Variants in ACSF3 observed in about 807,000 individuals in gnomAD.
ACSF3 encodes the protein malonate--CoA ligase ACSF3, mitochondrial.
Under a neutral mutation model 53.2 loss-of-function variants are expected in ACSF3, and 78 were observed. The observed-to-expected ratio is 1.47, with a 90% CI of 1.22 to 1.77. The LOEUF (loss-of-function observed/expected upper bound fraction) is 1.77, where lower values mean the gene tolerates loss of function less well. Ranked by LOEUF, ACSF3 falls within the 40% of genes most tolerant of loss-of-function variation. The probability of loss-of-function intolerance (pLI) is 0.00; values close to 1 mark genes in which losing one functional copy is unlikely to be tolerated. For missense variants in ACSF3, 937 were observed against 771.1 expected (o/e 1.22, Z -2.55); for synonymous variants, 414 against 333.1 (o/e 1.24, Z -2.65).
chr16:89,104,309 G>A (rs1418089261), intron 4 of ACSF3, among the ~76,000 whole-genome samples: 1 of 152,258 alleles, frequency 6.6e-6, no homozygotes, highest in East Asian at 1.9e-4. Context: ...GCACAGAGGA[G>A]CCCATCTCTG....
At chr16:89,097,121 G>A (rs993581220) in intron 1 of ACSF3, among the ~76,000 whole-genome samples, 13 of 152,242 alleles carry the variant, frequency 8.5e-5, no homozygotes, top group African/African-American at 3.1e-4. Flanking sequence ...TGCCAAAAGG[G>A]GGGCTGTGCT....
At chr16:89,095,940 A>G (rs72817429) in intron 1 of ACSF3, among the ~76,000 whole-genome samples, 6,644 of 151,858 alleles carry the variant, frequency 0.044, 251 homozygotes, top group East Asian at 0.18. Flanking sequence ...ATTAACCAGC[A>G]CTCCAGTTAG....
At chr16:89,121,128 G>C (rs1906551057) in intron 7 of ACSF3, among the ~76,000 whole-genome samples, 1 of 152,270 alleles carries the variant, frequency 6.6e-6, no homozygotes, top group Non-Finnish European at 1.5e-5. Flanking sequence ...TCACAGAGCA[G>C]TGGGCAGAGG....
At position 89,100,813 on chromosome 16, in the gene ACSF3, C is replaced by T. The variant is rs1444580425; in HGVS notation, c.132C>T (p.Ala44=). Residue 44 remains alanine (A), a synonymous_variant, in exon 3 of 11, where the codon GCC becomes GCT. Coordinates refer to ENST00000614302, the MANE Select transcript of ACSF3 (RefSeq NM_001243279.3). ...CAGTGGCCCGCTCGGACAGGAGCGCCCCGGTGTTCACCCGTGCCCTGGCCT... is the reference window on the plus strand; with the variant it reads ...CAGTGGCCCGCTCGGACAGGAGCGCTCCGGTGTTCACCCGTGCCCTGGCCT... The part of the protein sequence containing the change: ...TAPVARSDRS[A]PVFTRALAFG... 1.9e-6 allele frequency: 3 copies of T among 1,613,064 alleles called. No homozygotes were observed. Among genetic ancestry groups the T allele is most frequent in the Non-Finnish European group, 2.5e-6 (3 of 1,180,026 alleles).
chr16:89,094,335 C>T (rs1051087665), intron 1 of ACSF3, among the ~76,000 whole-genome samples: 1 of 152,224 alleles, frequency 6.6e-6, no homozygotes, highest in Admixed American at 6.5e-5. Flanking sequence ...ACTTCCATTT[C>T]TCATTGGGCT....
intron 8 of ACSF3, among the ~76,000 whole-genome samples, chr16:89,144,750 C>G (rs1029765353): frequency 6.6e-6 from 1 of 152,180 alleles, no homozygotes; most frequent in Non-Finnish European, 1.5e-5. Flanking sequence ...AGCCAGGAGG[C>G]CCAGCACACC....
chr16:89,105,732 C>T (rs1235196977), intron 4 of ACSF3, among the ~76,000 whole-genome samples: 17 of 152,232 alleles, frequency 1.1e-4, no homozygotes, highest in African/African-American at 2.7e-4. Context: ...GAGGCAGCAA[C>T]GGCCATTGTC....
At chr16:89,108,999 G>A (rs368524402) in intron 4 of ACSF3, among the ~76,000 whole-genome samples, 19 of 152,170 alleles carry the variant, frequency 1.2e-4, no homozygotes, top group South Asian at 4.1e-4. Context: ...TTGGGAGGCC[G>A]AGGCAGGTGG....
chr16:89,112,796 G>A (rs760189650), intron 5 of ACSF3, among the ~76,000 whole-genome samples: 4 of 152,192 alleles, frequency 2.6e-5, no homozygotes, highest in Admixed American at 6.5e-5. Flanking sequence ...GAGCTGACCC[G>A]CTTGCTCCTG....
intron 10 of ACSF3, chr16:89,148,710 A>T (rs902183148): frequency 6.6e-6 from 1 of 152,110 alleles, no homozygotes; most frequent in African/African-American, 2.4e-5. Flanking sequence ...TCTCCTCTTC[A>T]CTGCCCTGGA....
chr16:89,129,893 A>T (rs1314326879), intron 7 of ACSF3, among the ~76,000 whole-genome samples: 1 of 152,210 alleles, frequency 6.6e-6, no homozygotes, highest in South Asian at 2.1e-4. Context: ...CTGCCTCCAC[A>T]TCGGTTACTT....
In ACSF3 at chr16:89,112,168, T is replaced by C; in HGVS notation, c.899T>C (p.Leu300Pro). Reference sequence around the variant, plus strand: ...GCAGTGCCTACAATATACACCAAGCTGATGGAGTACTACGACAGGCATTTT... The same window carrying C: ...GCAGTGCCTACAATATACACCAAGCCGATGGAGTACTACGACAGGCATTTT... ...FMAVPTIYTK[L>P]MEYYDRHFTQ... Residue 300 changes from leucine to proline, a missense_variant, in exon 5 of 11, where the codon CTG (leucine) becomes CCG (proline). Coordinates refer to ENST00000614302, the MANE Select transcript of ACSF3 (RefSeq NM_001243279.3). The C allele has an allele frequency of 1.2e-6, 2 of 1,614,264 alleles. No homozygotes were observed. The highest frequency in any genetic ancestry group is 1.7e-6 in the Non-Finnish European group (2 of 1,180,058).
intron 8 of ACSF3, among the ~76,000 whole-genome samples, chr16:89,143,120 C>G (rs150470865): frequency 3.6e-3 from 555 of 152,246 alleles, no homozygotes; most frequent in Middle Eastern, 6.8e-3. Context: ...AGAAATAACA[C>G]ACAGGGGTTC....
chr16:89,141,922 G>A (rs966483831), intron 8 of ACSF3, among the ~76,000 whole-genome samples: 1 of 152,206 alleles, frequency 6.6e-6, no homozygotes, highest in Non-Finnish European at 1.5e-5. Flanking sequence ...CGAGACAGGC[G>A]TCCATCACAG....
intron 7 of ACSF3, among the ~76,000 whole-genome samples, chr16:89,125,138 G>C (rs1907729316): frequency 1.3e-5 from 2 of 152,108 alleles, no homozygotes; most frequent in African/African-American, 4.8e-5. Context: ...GAGGTCAGGA[G>C]TTCAAGACCA....
intron 6 of ACSF3, among the ~76,000 whole-genome samples, chr16:89,120,021 C>T (rs1906234914): frequency 6.6e-6 from 1 of 152,236 alleles, no homozygotes; most frequent in South Asian, 2.1e-4. Flanking sequence ...AGGTCATGCC[C>T]GTGCTGACGC....
At chr16:89,145,424 G>C (rs759461790) in intron 9 of ACSF3, 23 bp downstream of exon 9, 23 of 1,613,492 alleles carry the variant, frequency 1.4e-5, no homozygotes, top group Non-Finnish European at 1.8e-5. Context: ...ACTTGGGCCA[G>C]GGAGGCCAGG....
chr16:89,101,145 T>C lies in ACSF3; in HGVS notation c.464T>C (p.Leu155Pro). The C allele has an allele frequency of 6.2e-7, 1 of 1,613,738 alleles. No homozygotes were observed. Among genetic ancestry groups the C allele is most frequent in the Non-Finnish European group, 8.5e-7 (1 of 1,179,948 alleles). Residue 155 changes from leucine to proline, a missense_variant, in exon 3 of 11, where the codon CTC (leucine) becomes CCC (proline). Coordinates refer to ENST00000614302, the MANE Select transcript of ACSF3 (RefSeq NM_001243279.3). ...VVLASQEYLE[L>P]LSPVVRKLGV... ...CTTGCCAGCCAGGAGTACCTGGAGC[T>C]CCTGAGCCCGGTGGTCAGGAAGCTG...
At position 89,100,867 on chromosome 16, in the gene ACSF3, G is replaced by T. The variant is rs1413084144; in HGVS notation, c.186G>T (p.Gln62His). ...AFGDRIALVD[Q>H]HGRHTYRELY... ...GGGACAGAATCGCCCTGGTTGACCA[G>T]CACGGCCGCCACACGTACAGGGAGC... is the stretch of plus-strand genomic sequence containing the variant. Residue 62 changes from glutamine to histidine, a missense_variant, in exon 3 of 11, where the codon CAG (glutamine) becomes CAT (histidine). Coordinates refer to ENST00000614302, the MANE Select transcript of ACSF3 (RefSeq NM_001243279.3). The T allele has an allele frequency of 3.1e-6, 5 of 1,613,474 alleles. No individual in the cohort carries two copies. The highest frequency in any genetic ancestry group is 3.4e-6 in the Non-Finnish European group (4 of 1,180,030).
Sources: gnomAD v4.1 joint callset for allele counts (sites outside exome capture counted in the v4.1 genomes callset) on GRCh38, gnomAD v4.1.1 for gene constraint, MANE v1.5 for transcripts, NCBI Gene and HGNC (gene_info 2026-07-23, HGNC 2026-07-21) for gene names.